Variants in ERBIN observed in about 807,000 individuals in gnomAD.
ERBIN encodes densin-180-like protein.
A neutral mutation model predicts 158.4 loss-of-function variants in ERBIN; 60 were observed. The observed-to-expected ratio is 0.38, with a 90% CI of 0.31 to 0.47. The LOEUF (loss-of-function observed/expected upper bound fraction) is 0.47. Among genes scored for constraint, ERBIN ranks in the 20% least tolerant of loss-of-function variants. ERBIN has a pLI of 0.99. For synonymous variants in ERBIN, 594 were observed against 557.2 expected (o/e 1.07, Z -0.93); for missense variants, 1,610 against 1,648.0 (o/e 0.98, Z 0.40).
At chr5:66,065,591 CTGTG>C (rs56164922) in intron 21 of ERBIN, among the ~76,000 whole-genome samples, 1,230 of 109,232 alleles carry the variant, frequency 0.011, 16 homozygotes, top group Non-Finnish European at 0.016. Context: ...TAATTTTGAC[CTGTG>C]TGTGTGTGTG....
chr5:66,064,650 T>A (rs1268957158), intron 21 of ERBIN, among the ~76,000 whole-genome samples: 3 of 152,178 alleles, frequency 2.0e-5, no homozygotes, highest in African/African-American at 7.2e-5. Context: ...GGCAAAAGTG[T>A]TCAGGATGAA....
chr5:66,063,368 G>A lies in ERBIN; in HGVS notation c.3633+8417G>A, dbSNP rs199539554. On this transcript the variant is annotated intron_variant, in intron 21 of 25. Coordinates refer to ENST00000284037, the MANE Select transcript of ERBIN (RefSeq NM_001253697.2). Reference sequence around the variant, plus strand: ...TGCGGGATATAATCTCCTGGTGTGCGGTTTGTTAAGCCCGTTGGAAAAGCG... The same window carrying A: ...TGCGGGATATAATCTCCTGGTGTGCAGTTTGTTAAGCCCGTTGGAAAAGCG... Among the ~76,000 whole-genome samples the A allele has an allele frequency of 1.8e-4, 27 of 152,292 alleles. No homozygotes were observed. The East Asian group carries it at 2.5e-3, about 14-fold the overall frequency.
intron 13 of ERBIN, among the ~76,000 whole-genome samples, chr5:66,027,702 T>C (rs1357522379): frequency 6.6e-6 from 1 of 152,038 alleles, no homozygotes; most frequent in Non-Finnish European, 1.5e-5. Context: ...TATACAATTT[T>C]ATATAAGGGA....
At chr5:66,048,485 A>T (rs1458646997) in intron 18 of ERBIN, among the ~76,000 whole-genome samples, 182 bp from the exon 19 acceptor site, 2 of 152,012 alleles carry the variant, frequency 1.3e-5, no homozygotes, top group Admixed American at 1.3e-4. Context: ...CATGAAAAGG[A>T]TAGAGGTACA....
intron 7 of ERBIN, among the ~76,000 whole-genome samples, chr5:66,016,081 C>CT (rs1277024062): frequency 1.3e-5 from 2 of 152,108 alleles, no homozygotes; most frequent in Non-Finnish European, 2.9e-5. Flanking sequence ...AGGACAGAGA[C>CT]TGTGTCTGTT....
At chr5:65,933,909 A>T (rs1388962360) in intron 1 of ERBIN, among the ~76,000 whole-genome samples, 2 of 151,324 alleles carry the variant, frequency 1.3e-5, no homozygotes, top group Admixed American at 6.6e-5. Flanking sequence ...CTAAATATAT[A>T]TTTTTTTTTA....
At chr5:65,974,492 A>G (rs890751501) in intron 1 of ERBIN, among the ~76,000 whole-genome samples, 4 of 152,330 alleles carry the variant, frequency 2.6e-5, no homozygotes, top group Non-Finnish European at 2.9e-5. Flanking sequence ...GACCATCTAT[A>G]TGCTTCTTGG....
chr5:65,958,595 TCAGAGGGAGACCGTGGAAG>T (rs1747545860), intron 1 of ERBIN, among the ~76,000 whole-genome samples: 1 of 138,174 alleles, frequency 7.2e-6, no homozygotes, highest in Admixed American at 7.8e-5. Flanking sequence ...CGGCTGGGCA[TCAGAGGGAGACCGTGGAAG>T]GAGAGGGAGA....
At position 66,025,496 on chromosome 5, in the gene ERBIN, A is replaced by G. The variant is rs543169821; in HGVS notation, c.834A>G (p.Ile278Met). 9.9e-6 allele frequency: 16 copies of G among 1,611,992 alleles called. No individual in the cohort carries two copies. The African/African-American group carries it at 2.0e-4, about 20-fold the overall frequency. Residue 278 changes from isoleucine to methionine, a missense_variant, in exon 11 of 26, where the codon ATA (isoleucine) becomes ATG (methionine). This residue lies in a region of ERBIN where 596 missense variants were observed against 711.9 expected (regional missense o/e 0.84). Coordinates refer to ENST00000284037, the MANE Select transcript of ERBIN (RefSeq NM_001253697.2). ...LPETIGSLKN[I>M]TTLKIDENQL... ...CCTCATTAGGTTCGTTGAAGAATAT[A>G]ACAACGCTTAAAATAGATGAAAACC...
chr5:65,947,496 G>T (rs1045079018), intron 1 of ERBIN, among the ~76,000 whole-genome samples: 1 of 152,148 alleles, frequency 6.6e-6, no homozygotes, highest in Admixed American at 6.5e-5. Flanking sequence ...GAGATTTGAG[G>T]TGACACTTAA....
At chr5:65,982,939 T>C (rs1335878490) in intron 1 of ERBIN, among the ~76,000 whole-genome samples, 1 of 152,220 alleles carries the variant, frequency 6.6e-6, no homozygotes, top group Non-Finnish European at 1.5e-5. Flanking sequence ...GTGAACCTTG[T>C]AGGGTGATGG....
intron 1 of ERBIN, among the ~76,000 whole-genome samples, chr5:65,936,967 T>C (rs987581255): frequency 1.3e-5 from 2 of 152,212 alleles, no homozygotes; most frequent in Non-Finnish European, 2.9e-5. Context: ...GGTTGTCTTA[T>C]AATACTTGTG....
intron 14 of ERBIN, among the ~76,000 whole-genome samples, chr5:66,028,853 T>A (rs929887212): frequency 1.3e-5 from 2 of 152,154 alleles, no homozygotes; most frequent in African/African-American, 2.4e-5. Context: ...TTTCTATGAG[T>A]TTATCTTTTT....
At chr5:66,001,115 A>G (rs1300446513) in intron 4 of ERBIN, among the ~76,000 whole-genome samples, 1 of 152,116 alleles carries the variant, frequency 6.6e-6, no homozygotes, top group East Asian at 1.9e-4. Context: ...TAGACTGCTT[A>G]AAAGAAAGGT....
At chr5:65,962,745 A>G (rs113129895) in intron 1 of ERBIN, among the ~76,000 whole-genome samples, 40 of 152,308 alleles carry the variant, frequency 2.6e-4, no homozygotes, top group African/African-American at 7.5e-4. Context: ...TTATTTTTCC[A>G]TTACTAATAC....
chr5:66,044,810 C>G (rs1301190851), intron 17 of ERBIN, among the ~76,000 whole-genome samples: 1 of 151,786 alleles, frequency 6.6e-6, no homozygotes, highest in African/African-American at 2.4e-5. Context: ...GCCATGGTGG[C>G]TCACTCCTGT....
At chr5:65,952,221 G>C (rs56678735) in intron 1 of ERBIN, among the ~76,000 whole-genome samples, 6,437 of 151,878 alleles carry the variant, frequency 0.042, 461 homozygotes, top group African/African-American at 0.15. Context: ...TTTCAGACCC[G>C]TTCACTGGTG....
chr5:65,965,739 C>G (rs1748539210), intron 1 of ERBIN, among the ~76,000 whole-genome samples: 2 of 152,190 alleles, frequency 1.3e-5, no homozygotes, highest in African/African-American at 4.8e-5. Context: ...CTCGTTCACT[C>G]TGTCTGAAGT....
In ERBIN at chr5:66,012,133, T is replaced by G; in HGVS notation, c.386+6T>G. The G allele has an allele frequency of 6.5e-7, 1 of 1,548,956 alleles. No individual in the cohort carries two copies. Reference sequence around the variant, plus strand: ...AGTGTAAACCCTATTTCCAAGTAAGTTCTCAGGTGAATTATAAATTACTTT... The same window carrying G: ...AGTGTAAACCCTATTTCCAAGTAAGGTCTCAGGTGAATTATAAATTACTTT... On this transcript the variant is annotated splice_donor_region_variant and intron_variant, in intron 5 of 25. Coordinates refer to ENST00000284037, the MANE Select transcript of ERBIN (RefSeq NM_001253697.2).
Sources: gnomAD v4.1 joint callset for allele counts (sites outside exome capture counted in the v4.1 genomes callset) on GRCh38, gnomAD v4.1.1 for gene constraint, gnomAD v4.1.1 regional missense constraint, MANE v1.5 for transcripts, NCBI Gene and HGNC (gene_info 2026-07-23, HGNC 2026-07-21) for gene names.